The following PCDH15 variants were observed in gnomAD, a reference collection of about 807,000 sequenced individuals.
PCDH15 encodes the protein protocadherin-15.
Under a neutral mutation model 178.5 loss-of-function variants are expected in PCDH15, and 129 were observed. The ratio of observed to expected loss-of-function variants is 0.72; its 90% CI spans 0.63 to 0.84. The LOEUF (loss-of-function observed/expected upper bound fraction) is 0.84, where lower values mean the gene tolerates loss of function less well. Among genes scored for constraint, PCDH15 ranks in the 40% least tolerant of loss-of-function variants. PCDH15 has a pLI of 0.00. For missense variants in PCDH15, 2,230 were observed against 2,099.9 expected, an observed-to-expected ratio of 1.06 and a Z score of -1.21; for synonymous variants, 800 against 732.0, an observed-to-expected ratio of 1.09 and a Z score of -1.50.
intron 14 of PCDH15, among the ~76,000 whole-genome samples, chr10:54,150,465 A>G (rs774985449): frequency 6.6e-6 from 1 of 151,942 alleles, no homozygotes; most frequent in East Asian, 1.9e-4. Context: ...AGTAAACTGT[A>G]TCTTTTAGAA....
At chr10:54,091,501 G>A (rs2094600034) in intron 15 of PCDH15, among the ~76,000 whole-genome samples, 1 of 152,184 alleles carries the variant, frequency 6.6e-6, no homozygotes. Flanking sequence ...GGATTACACA[G>A]TCCTGCTCAC....
chr10:54,636,915 A>G (rs2093867198), intron 2 of PCDH15, among the ~76,000 whole-genome samples: 2 of 152,018 alleles, frequency 1.3e-5, no homozygotes, highest in Non-Finnish European at 2.9e-5. Context: ...AAGGCAAACT[A>G]TAGCCATATT....
At chr10:55,122,461 T>C (rs936744806) in intron 2 of PCDH15, among the ~76,000 whole-genome samples, 1 of 152,090 alleles carries the variant, frequency 6.6e-6, no homozygotes, top group Non-Finnish European at 1.5e-5. Flanking sequence ...GTTATCTGTG[T>C]GGTCAAAGAC....
chr10:54,295,412 C>T (rs1451437465), intron 8 of PCDH15, among the ~76,000 whole-genome samples: 1 of 152,210 alleles, frequency 6.6e-6, no homozygotes, highest in African/African-American at 2.4e-5. Flanking sequence ...CGTCAACCTG[C>T]TCGGATCCCC....
chr10:54,183,929 G>T (rs1482635344), intron 12 of PCDH15, among the ~76,000 whole-genome samples: 1 of 151,894 alleles, frequency 6.6e-6, no homozygotes, highest in East Asian at 1.9e-4. Flanking sequence ...AAACTTAATT[G>T]GAAAATATTA....
chr10:54,416,092 T>C (rs898774189), intron 3 of PCDH15, among the ~76,000 whole-genome samples: 2 of 152,000 alleles, frequency 1.3e-5, no homozygotes, highest in African/African-American at 2.4e-5. Flanking sequence ...GCCTCCAGAG[T>C]AGCTGGGACT....
chr10:54,699,302 T>A (rs1321257065), intron 1 of PCDH15, among the ~76,000 whole-genome samples: 1 of 152,094 alleles, frequency 6.6e-6, no homozygotes, highest in Non-Finnish European at 1.5e-5. Flanking sequence ...TTCCTCAAAT[T>A]ATTAGTTCAT....
intron 5 of PCDH15, among the ~76,000 whole-genome samples, chr10:54,363,835 T>G (rs138257575): frequency 4.6e-4 from 70 of 152,238 alleles, no homozygotes; most frequent in African/African-American, 1.6e-3. Context: ...AAAACTCCAT[T>G]TTGGTAGGTA....
chr10:54,058,149 C>G (rs2093937631), intron 18 of PCDH15, among the ~76,000 whole-genome samples: 3 of 152,184 alleles, frequency 2.0e-5, no homozygotes. Context: ...TTCTTCTGAG[C>G]CCTCCAAACT....
chr10:54,084,188 C>T (rs557584096), intron 16 of PCDH15, among the ~76,000 whole-genome samples: 4 of 151,736 alleles, frequency 2.6e-5, no homozygotes, highest in South Asian at 4.2e-4. Flanking sequence ...CAGGTTCAAG[C>T]GATTCTCCTG....
intron 3 of PCDH15, among the ~76,000 whole-genome samples, chr10:54,865,035 G>A (rs1360395460): frequency 1.3e-5 from 2 of 152,128 alleles, no homozygotes; most frequent in Admixed American, 6.6e-5. Flanking sequence ...CTCTGAATGT[G>A]TGATGGTTAA....
At chr10:54,078,821 C>G (rs577189937) in intron 17 of PCDH15, among the ~76,000 whole-genome samples, 1 of 151,700 alleles carries the variant, frequency 6.6e-6, no homozygotes, top group South Asian at 2.1e-4. Context: ...GAATTATAAG[C>G]CCATTTAAAT....
chr10:54,884,840 T>C (rs1339167858), intron 3 of PCDH15, among the ~76,000 whole-genome samples: 2 of 152,118 alleles, frequency 1.3e-5, no homozygotes, highest in East Asian at 3.9e-4. Context: ...TGAGTTATTT[T>C]ACTATTTTCC....
In PCDH15 at chr10:54,389,621, C is replaced by A. The variant is rs967259845; in HGVS notation, c.158-10679G>T. ...TATTGCATTAGAAACTCAGAGATCC[C>A]ATTTCAGCAATCTGTGTTTAAATAG... On this transcript the variant is annotated intron_variant, in intron 3 of 37. Transcript: ENST00000644397. Among the ~76,000 whole-genome samples, 14 of 152,198 alleles carry A rather than the reference C, an allele frequency of 9.2e-5. 1 individual carries two copies. The highest frequency in any genetic ancestry group is 2.1e-4 in the South Asian group (1 of 4,810).
chr10:54,801,553 T>C (rs900595903), upstream of PCDH15, among the ~76,000 whole-genome samples: 16 of 152,224 alleles, frequency 1.1e-4, no homozygotes, highest in African/African-American at 3.9e-4. Context: ...ATCTAAGAAG[T>C]TTAGCAGCTT....
At chr10:54,137,389 A>G (rs1286244286) in intron 14 of PCDH15, among the ~76,000 whole-genome samples, 1 of 152,184 alleles carries the variant, frequency 6.6e-6, no homozygotes, top group Non-Finnish European at 1.5e-5. Context: ...TATTTCTTAT[A>G]TACTCTTGAA....
At chr10:53,909,743 C>T (rs2082937072) in intron 25 of PCDH15, among the ~76,000 whole-genome samples, 1 of 152,182 alleles carries the variant, frequency 6.6e-6, no homozygotes, top group South Asian at 2.1e-4. Context: ...GGGGATTTCC[C>T]TTTCCTAGCC....
intron 2 of PCDH15, among the ~76,000 whole-genome samples, chr10:54,560,174 T>G (rs2087913082): frequency 1.3e-5 from 2 of 152,202 alleles, no homozygotes; most frequent in African/African-American, 4.8e-5. Context: ...ACATGAATGG[T>G]CCTAATGTCC....
At chr10:54,866,637 A>G (rs974572602) in intron 3 of PCDH15, among the ~76,000 whole-genome samples, 21 of 152,152 alleles carry the variant, frequency 1.4e-4, no homozygotes, top group African/African-American at 5.1e-4. Flanking sequence ...ATAGTTATTA[A>G]TTTCTTTTCT....
Sources: gnomAD v4.1 joint callset for allele counts (sites outside exome capture counted in the v4.1 genomes callset) on GRCh38, gnomAD v4.1.1 for gene constraint, MANE v1.5 for transcripts, NCBI Gene and HGNC (gene_info 2026-07-23, HGNC 2026-07-21) for gene names.